The following SLC24A3 variants were observed in gnomAD, a reference collection of about 807,000 sequenced individuals.
SLC24A3 encodes solute carrier family 24 member 3.
Under a neutral mutation model 75.8 loss-of-function variants are expected in SLC24A3, and 28 were observed. The ratio of observed to expected loss-of-function variants is 0.37; its 90% confidence interval spans 0.27 to 0.51. The LOEUF (loss-of-function observed/expected upper bound fraction) is 0.51, where lower values mean the gene tolerates loss of function less well. SLC24A3 is among the 20% of genes least tolerant of loss of function. SLC24A3 has a pLI of 0.94. For synonymous variants in SLC24A3, 372 were observed against 334.1 expected (o/e 1.11, Z -1.24); for missense variants, 663 against 847.8 (o/e 0.78, Z 2.71).
At chr20:19,680,240 G>A (rs550862817) in intron 9 of SLC24A3, among the ~76,000 whole-genome samples, 1 of 151,834 alleles carries the variant, frequency 6.6e-6, no homozygotes, top group South Asian at 2.1e-4. Context: ...ATGAAGTTTG[G>A]CTGTTTGCTC....
chr20:19,651,332 C>G (rs1012043441), intron 6 of SLC24A3, among the ~76,000 whole-genome samples: 1 of 146,582 alleles, frequency 6.8e-6, no homozygotes, highest in Admixed American at 6.8e-5. Flanking sequence ...GCTAGCTTTC[C>G]ATGTCTTTGT....
chr20:19,241,570 T>G (rs1330346335), intron 1 of SLC24A3, among the ~76,000 whole-genome samples: 1 of 152,220 alleles, frequency 6.6e-6, no homozygotes, highest in Admixed American at 6.5e-5. Context: ...TTTCAAAAAT[T>G]GAAAAGTACT....
chr20:19,585,906 A>G (rs1231963755), intron 6 of SLC24A3, among the ~76,000 whole-genome samples: 1 of 152,246 alleles, frequency 6.6e-6, no homozygotes, highest in East Asian at 1.9e-4. Context: ...CTCATTGGAA[A>G]TAGAATACAT....
intron 7 of SLC24A3, among the ~76,000 whole-genome samples, chr20:19,661,931 A>G (rs1038101589): frequency 6.6e-6 from 1 of 152,206 alleles, no homozygotes; most frequent in Non-Finnish European, 1.5e-5. Flanking sequence ...CTTGCTTGGA[A>G]GAATTCTGGA....
intron 12 of SLC24A3, among the ~76,000 whole-genome samples, chr20:19,690,427 C>G (rs1355253100): frequency 1.3e-5 from 2 of 152,030 alleles, no homozygotes; most frequent in African/African-American, 4.8e-5. Flanking sequence ...TCATTTTTTT[C>G]TTCCCTCTTT....
At position 19,673,504 on chromosome 20, in the gene SLC24A3, A is replaced by G. The variant is rs2032492029; in HGVS notation, c.714-97A>G. 43 of 1,038,436 alleles carry G rather than the reference A, an allele frequency of 4.1e-5. 1 individual carries two copies. In the South Asian group the frequency reaches 4.4e-4, roughly 11 times the overall value. The allele number at this position is 1,038,436 out of a possible 1,614,324, so 64.3% of individuals were successfully genotyped here. On this transcript the variant is annotated intron_variant, in intron 8 of 16. Coordinates refer to ENST00000328041, the MANE Select transcript of SLC24A3 (RefSeq NM_020689.4). ...TAGCACCGTCTGCCTTCTCCTTACT[A>G]TCCTGGCCGTTTGCATCAAATATGT... is the stretch of plus-strand genomic sequence containing the variant.
At chr20:19,597,038 A>G (rs1358125464) in intron 6 of SLC24A3, among the ~76,000 whole-genome samples, 2 of 152,186 alleles carry the variant, frequency 1.3e-5, no homozygotes, top group African/African-American at 4.8e-5. Context: ...CTACTTGTTA[A>G]TCCATCAGAC....
chr20:19,496,529 T>C (rs1481971734), intron 2 of SLC24A3, among the ~76,000 whole-genome samples: 1 of 152,214 alleles, frequency 6.6e-6, no homozygotes, highest in Non-Finnish European at 1.5e-5. Flanking sequence ...TCCTTTGGAA[T>C]GATCAAGAGA....
intron 2 of SLC24A3, among the ~76,000 whole-genome samples, chr20:19,409,863 A>G (rs1170364057): frequency 6.6e-6 from 1 of 151,668 alleles, no homozygotes; most frequent in Non-Finnish European, 1.5e-5. Context: ...ATATATATAT[A>G]TATGTATTCA....
chr20:19,289,757 A>G (rs910340621), intron 2 of SLC24A3, among the ~76,000 whole-genome samples: 3 of 152,112 alleles, frequency 2.0e-5, no homozygotes, highest in African/African-American at 7.2e-5. Flanking sequence ...CTCCTCAATC[A>G]TTTCTGGAGC....
chr20:19,680,349 C>T (rs1387570484), intron 9 of SLC24A3, among the ~76,000 whole-genome samples: 1 of 152,130 alleles, frequency 6.6e-6, no homozygotes, highest in Non-Finnish European at 1.5e-5. Context: ...TGTAATTGAT[C>T]TGATTCAGGC....
At chr20:19,446,039 G>C (rs559817183) in intron 2 of SLC24A3, among the ~76,000 whole-genome samples, 1 of 152,134 alleles carries the variant, frequency 6.6e-6, no homozygotes, top group African/African-American at 2.4e-5. Context: ...AATGAGGCCC[G>C]TAGGGGTTCA....
intron 12 of SLC24A3, among the ~76,000 whole-genome samples, chr20:19,688,567 G>A (rs529385899): frequency 6.6e-6 from 1 of 152,366 alleles, no homozygotes; most frequent in East Asian, 1.9e-4. Context: ...AGAAGCCAGG[G>A]AGTCAGTTCT....
intron 3 of SLC24A3, among the ~76,000 whole-genome samples, chr20:19,516,519 G>A (rs982096574): frequency 1.3e-5 from 2 of 152,212 alleles, no homozygotes; most frequent in Admixed American, 6.5e-5. Context: ...GCTGCTCCAC[G>A]GAATCCAGGG....
chr20:19,533,197 G>A (rs2030333249), intron 3 of SLC24A3, among the ~76,000 whole-genome samples: 1 of 152,228 alleles, frequency 6.6e-6, no homozygotes, highest in African/African-American at 2.4e-5. Flanking sequence ...CTAAAGTCAT[G>A]TGAATGCTCT....
At chr20:19,509,723 A>G (rs999352099) in intron 2 of SLC24A3, among the ~76,000 whole-genome samples, 3 of 152,252 alleles carry the variant, frequency 2.0e-5, no homozygotes, top group African/African-American at 2.4e-5. Flanking sequence ...AGAGTTCTTC[A>G]TCCCACTGAG....
chr20:19,483,641 C>T (rs1298591506), intron 2 of SLC24A3, among the ~76,000 whole-genome samples: 1 of 152,142 alleles, frequency 6.6e-6, no homozygotes, highest in African/African-American at 2.4e-5. Flanking sequence ...CAACTGTGAA[C>T]AGGAAAAAAG....
intron 2 of SLC24A3, among the ~76,000 whole-genome samples, chr20:19,432,902 T>C (rs1461024061): frequency 1.3e-5 from 2 of 152,222 alleles, no homozygotes; most frequent in Admixed American, 1.3e-4. Context: ...TAGTGTTCCA[T>C]TATTGGAACA....
At chr20:19,352,263 G>T (rs1156652148) in intron 2 of SLC24A3, among the ~76,000 whole-genome samples, 1 of 152,178 alleles carries the variant, frequency 6.6e-6, no homozygotes, top group Non-Finnish European at 1.5e-5. Context: ...TACAGCCTTC[G>T]ATGAGGCCCT....
Sources: gnomAD v4.1 joint callset for allele counts (sites outside exome capture counted in the v4.1 genomes callset) on GRCh38, gnomAD v4.1.1 for gene constraint, MANE v1.5 for transcripts, NCBI Gene and HGNC (gene_info 2026-07-23, HGNC 2026-07-21) for gene names.